The following AMPH variants were observed in gnomAD, a reference collection of about 807,000 sequenced individuals.
AMPH encodes the protein amphiphysin.
In AMPH, 49 loss-of-function variants were observed where a neutral mutation model predicts 99.1. The observed-to-expected ratio is 0.49, with a 90% CI of 0.39 to 0.63. The LOEUF (loss-of-function observed/expected upper bound fraction) is 0.63, where lower values mean the gene tolerates loss of function less well. AMPH is among the 20% of genes least tolerant of loss of function. The pLI is 0.00. For missense variants in AMPH, 759 were observed against 863.4 expected, an observed-to-expected ratio of 0.88 and a Z score of 1.52; for synonymous variants, 314 against 317.3, an observed-to-expected ratio of 0.99 and a Z score of 0.11.
chr7:38,559,957 A>ATTGT (rs753731331), intron 1 of AMPH, among the ~76,000 whole-genome samples: 5 of 152,210 alleles, frequency 3.3e-5, no homozygotes, highest in Non-Finnish European at 7.3e-5. Context: ...AATATGATAA[A>ATTGT]ACAAAAGTGG....
chr7:38,438,432 G>C (rs1786374286), intron 11 of AMPH, among the ~76,000 whole-genome samples: 1 of 152,162 alleles, frequency 6.6e-6, no homozygotes, highest in Non-Finnish European at 1.5e-5. Flanking sequence ...TGGTACCTCT[G>C]ACTCCAATGC....
intron 1 of AMPH, among the ~76,000 whole-genome samples, chr7:38,602,513 C>T (rs1034621392): frequency 6.6e-6 from 1 of 152,184 alleles, no homozygotes; most frequent in Non-Finnish European, 1.5e-5. Context: ...GGCCCTGCAT[C>T]ACTCTGACCT....
intron 12 of AMPH, among the ~76,000 whole-genome samples, chr7:38,432,894 T>A (rs1191591923): frequency 1.3e-5 from 2 of 152,252 alleles, no homozygotes; most frequent in African/African-American, 4.8e-5. Context: ...ACTGGTATTT[T>A]AATTATAAAG....
At chr7:38,485,687 C>T (rs1788463190) in intron 5 of AMPH, among the ~76,000 whole-genome samples, 4 of 151,806 alleles carry the variant, frequency 2.6e-5, no homozygotes, top group Admixed American at 2.0e-4. Flanking sequence ...TCTTAAGTTG[C>T]ACATGGAAGA....
chr7:38,394,078 A>C lies in AMPH; in HGVS notation c.1535T>G (p.Ile512Ser). The change falls in exon 18 of 21, where the codon ATT (isoleucine) becomes AGT (serine). Residue 512 changes from isoleucine to serine, a missense_variant. Physicochemically the swap from Ile to Ser is moderately radical, Grantham distance 142. This residue lies in a region of AMPH where 554 missense variants were observed against 575.6 expected (regional missense o/e 0.96). Transcript: ENST00000356264. ...TGCACCCTCAGTGGTTTCAGTTCCAATTTTGGCCTCCTCTAAACTTACTCC... is the reference window on the plus strand; with the variant it reads ...TGCACCCTCAGTGGTTTCAGTTCCACTTTTGGCCTCCTCTAAACTTACTCC... ...GEGVSLEEAKIGTETTEGAES... is the reference protein window; with the variant it reads ...GEGVSLEEAKSGTETTEGAES... The C allele has an allele frequency of 3.1e-6, 5 of 1,614,002 alleles. No homozygotes were observed. The highest frequency in any genetic ancestry group is 3.4e-6 in the Non-Finnish European group (4 of 1,179,996).
chr7:38,397,931 A>G (rs1336542682), intron 17 of AMPH, among the ~76,000 whole-genome samples: 2 of 152,192 alleles, frequency 1.3e-5, no homozygotes, highest in African/African-American at 4.8e-5. Context: ...ATCATCAGAG[A>G]AATGCAAATC....
At chr7:38,390,289 T>G (rs1304568149) in intron 19 of AMPH, among the ~76,000 whole-genome samples, 1 of 152,200 alleles carries the variant, frequency 6.6e-6, no homozygotes, top group Non-Finnish European at 1.5e-5. Context: ...AAACCACCAC[T>G]TGCAGGTTAT....
At chr7:38,508,596 G>C (rs1789422155) in intron 2 of AMPH, among the ~76,000 whole-genome samples, 1 of 152,138 alleles carries the variant, frequency 6.6e-6, no homozygotes, top group African/African-American at 2.4e-5. Context: ...CTGCATGAAA[G>C]GTGGATCTTA....
rs201240512 is a variant in AMPH at position 38,463,153 on chromosome 7, G to A, written c.750-40C>T. ...GGGATTGGGCAAGGGGCCTTCTCAAGAACAGTATTCATCTAATCAGGGGTT... is the reference window on the plus strand; with the variant it reads ...GGGATTGGGCAAGGGGCCTTCTCAAAAACAGTATTCATCTAATCAGGGGTT... On this transcript the variant is annotated intron_variant, in intron 9 of 20. Coordinates refer to ENST00000356264, the MANE Select transcript of AMPH (RefSeq NM_001635.4). The A allele has an allele frequency of 2.7e-5, 43 of 1,613,704 alleles. No homozygotes were observed. The African/African-American group carries it at 5.7e-4, about 22-fold the overall frequency.
At chr7:38,456,948 A>G (rs1787259343) in intron 11 of AMPH, among the ~76,000 whole-genome samples, 1 of 152,188 alleles carries the variant, frequency 6.6e-6, no homozygotes, top group African/African-American at 2.4e-5. Context: ...CTGCTAGCAA[A>G]TGCACCCTAA....
At chr7:38,465,320 A>G in intron 9 of AMPH, 147 bp downstream of exon 9, 1 of 631,586 alleles carries the variant, frequency 1.6e-6, no homozygotes, top group Middle Eastern at 3.7e-4. Context: ...ATGTAAAAGC[A>G]CAAAAATAAA....
chr7:38,599,347 A>C (rs1348580678), intron 1 of AMPH, among the ~76,000 whole-genome samples: 1 of 152,192 alleles, frequency 6.6e-6, no homozygotes, highest in Non-Finnish European at 1.5e-5. Context: ...AGCCTACTCA[A>C]CGTGAAGATG....
intron 1 of AMPH, among the ~76,000 whole-genome samples, chr7:38,554,838 G>C (rs1791307889): frequency 6.6e-6 from 1 of 152,210 alleles, no homozygotes; most frequent in Admixed American, 6.5e-5. Flanking sequence ...ATAAAGTTTA[G>C]ATACGGCTAA....
At chr7:38,556,986 A>G (rs73124274) in intron 1 of AMPH, among the ~76,000 whole-genome samples, 23,089 of 152,148 alleles carry the variant, frequency 0.15, 1,874 homozygotes, top group Middle Eastern at 0.23. Context: ...AGCGTAGAAC[A>G]ATACTATGCT....
intron 1 of AMPH, among the ~76,000 whole-genome samples, chr7:38,552,803 T>C (rs557556245): frequency 6.6e-6 from 1 of 152,242 alleles, no homozygotes; most frequent in African/African-American, 2.4e-5. Context: ...AGTTTTCTCA[T>C]CTCCTCCTCT....
chr7:38,509,575 C>T (rs1019366399), intron 2 of AMPH, among the ~76,000 whole-genome samples: 1 of 152,204 alleles, frequency 6.6e-6, no homozygotes, highest in Non-Finnish European at 1.5e-5. Flanking sequence ...CAAATCATCA[C>T]AGCATGCAGA....
intron 1 of AMPH, among the ~76,000 whole-genome samples, chr7:38,595,931 T>C (rs1269903825): frequency 6.6e-6 from 1 of 152,244 alleles, no homozygotes; most frequent in African/African-American, 2.4e-5. Flanking sequence ...TATTCCATAG[T>C]GTATCTGTAC....
At chr7:38,582,625 GAATATAACCAA>G (rs1389622109) in intron 1 of AMPH, among the ~76,000 whole-genome samples, 2 of 152,308 alleles carry the variant, frequency 1.3e-5, no homozygotes, top group Admixed American at 1.3e-4. Flanking sequence ...AAATACTAAT[GAATATAACCAA>G]AATAAACTAC....
chr7:38,398,354 T>A (rs1325298749), intron 17 of AMPH, among the ~76,000 whole-genome samples: 1 of 152,228 alleles, frequency 6.6e-6, no homozygotes, highest in East Asian at 1.9e-4. Context: ...GGAGTACTAT[T>A]CAGCCATAGA....
Sources: allele counts gnomAD v4.1 joint callset (sites outside exome capture counted in the v4.1 genomes callset), GRCh38; gene constraint gnomAD v4.1.1; regional missense constraint gnomAD v4.1.1; transcripts MANE v1.5; gene names NCBI Gene and HGNC (gene_info 2026-07-23, HGNC 2026-07-21).